SLC44A5: variants seen among roughly 807,000 people sequenced by gnomAD.
SLC44A5 encodes the protein choline transporter-like protein 5.
A neutral mutation model predicts 101.8 loss-of-function variants in SLC44A5; 57 were observed. The ratio of observed to expected loss-of-function variants is 0.56; its 90% CI spans 0.45 to 0.70. The LOEUF is 0.70. Ranked by LOEUF, SLC44A5 falls within the 30% of genes least tolerant of loss-of-function variation. SLC44A5 has a pLI of 0.00. For missense variants in SLC44A5, 737 were observed against 853.1 expected (o/e 0.86, Z 1.70); for synonymous variants, 281 against 290.9 (o/e 0.97, Z 0.35).
At chr1:75,471,679 C>G (rs989667651) in intron 2 of SLC44A5, among the ~76,000 whole-genome samples, 1 of 151,940 alleles carries the variant, frequency 6.6e-6, no homozygotes, top group Non-Finnish European at 1.5e-5. Context: ...TTCCACTGCC[C>G]TCTATTTCTT....
chr1:75,642,847 T>C, the SLC44A5 span, among the ~76,000 whole-genome samples: 1 of 152,084 alleles, frequency 6.6e-6, no homozygotes, highest in Non-Finnish European at 1.5e-5. Context: ...TAAACAAAAA[T>C]TGGAAAGTTT....
At chr1:75,253,767 C>T (rs1465915735) in intron 6 of SLC44A5, among the ~76,000 whole-genome samples, 2 of 152,112 alleles carry the variant, frequency 1.3e-5, no homozygotes, top group African/African-American at 2.4e-5. Flanking sequence ...GCTATGTAAA[C>T]TCAAGTTATT....
the SLC44A5 span, among the ~76,000 whole-genome samples, chr1:75,717,737 G>C: frequency 3.9e-5 from 6 of 152,136 alleles, no homozygotes; most frequent in Non-Finnish European, 8.8e-5. Context: ...TTAAGAAATG[G>C]AATGAATAAA....
chr1:75,386,856 A>G (rs1409313950), intron 3 of SLC44A5, among the ~76,000 whole-genome samples: 2 of 152,160 alleles, frequency 1.3e-5, no homozygotes, highest in Non-Finnish European at 2.9e-5. Context: ...TGGTACCAAA[A>G]CAGAGATATA....
rs758055706 is a variant in SLC44A5, at chr1:75,227,819, C to T, written c.892G>A (p.Glu298Lys). ...ATAGTTAATACAGAACTTGGGCGTTCCTGAAGATTGGTGTACTGCTGGTAA... is the reference window on the plus strand; with the variant it reads ...ATAGTTAATACAGAACTTGGGCGTTTCTGAAGATTGGTGTACTGCTGGTAA... Reference protein sequence around the residue: ...HCYQQYTNLQERPSSVLTIYD... With the variant: ...HCYQQYTNLQKRPSSVLTIYD... Residue 298 changes from glutamate (E) to lysine (K), a missense_variant, in exon 13 of 24, where the codon GAA becomes AAA. Around this residue, in one of 3 missense-constraint regions of SLC44A5, gnomAD observed 665 missense variants for 764.4 expected, o/e 0.87. Transcript: ENST00000370859. 6.3e-7 allele frequency: 1 copy of T among 1,599,664 alleles called. No individual in the cohort carries two copies. Among genetic ancestry groups the T allele is most frequent in the Non-Finnish European group, 8.5e-7 (1 of 1,176,108 alleles).
rs200994401 is a variant in SLC44A5 at position 75,283,175 on chromosome 1, T to A, written c.176-8133A>T. Among the ~76,000 whole-genome samples, 119 of 151,756 alleles carry A rather than the reference T, an allele frequency of 7.8e-4. 2 individuals carry two copies. In the East Asian group the frequency reaches 0.019, roughly 24 times the overall value. The stretch of plus-strand genomic sequence containing the variant: ...CATCTACATCAGCATCTATTTTTTT[T>A]TTATTATGGCCATTCTTGCAGGAGT... On this transcript the variant is annotated intron_variant, in intron 5 of 23. Transcript: ENST00000370859.
chr1:75,462,587 G>C (rs949748754), intron 2 of SLC44A5, among the ~76,000 whole-genome samples: 2 of 152,036 alleles, frequency 1.3e-5, no homozygotes, highest in Admixed American at 1.3e-4. Context: ...CGACCTTTCA[G>C]ACAAAGAATT....
intron 22 of SLC44A5, among the ~76,000 whole-genome samples, chr1:75,212,784 G>GA (rs1269783709): frequency 6.6e-6 from 1 of 152,036 alleles, no homozygotes; most frequent in Non-Finnish European, 1.5e-5. Context: ...GGCAGTGGGG[G>GA]AGAGGCAAAT....
the SLC44A5 span, among the ~76,000 whole-genome samples, chr1:75,679,165 G>T: frequency 1.3e-5 from 2 of 152,126 alleles, no homozygotes; most frequent in African/African-American, 4.8e-5. Context: ...TGGGGAGAAC[G>T]GAACCAAGTT....
At chr1:75,708,722 T>C in the SLC44A5 span, among the ~76,000 whole-genome samples, 76 of 152,252 alleles carry the variant, frequency 5.0e-4, no homozygotes, top group African/African-American at 1.8e-3. Flanking sequence ...AAATTATACA[T>C]ATAATAAAAC....
chr1:75,532,556 C>T (rs1458057043), intron 2 of SLC44A5, among the ~76,000 whole-genome samples: 1 of 152,142 alleles, frequency 6.6e-6, no homozygotes, highest in Non-Finnish European at 1.5e-5. Context: ...TTGTCCCCTT[C>T]CCTGCTTTAT....
chr1:75,472,066 G>T (rs193182352), intron 2 of SLC44A5, among the ~76,000 whole-genome samples: 35 of 128,936 alleles, frequency 2.7e-4, no homozygotes, highest in African/African-American at 9.4e-4. Context: ...AATAGGCAGA[G>T]CATATCCCCC....
intron 2 of SLC44A5, among the ~76,000 whole-genome samples, chr1:75,409,425 A>G (rs1011076255): frequency 6.6e-6 from 1 of 152,028 alleles, no homozygotes; most frequent in African/African-American, 2.4e-5. Context: ...AATTTTTTTT[A>G]AAAAAGAAAG....
chr1:75,523,447 G>A (rs59663056), intron 2 of SLC44A5, among the ~76,000 whole-genome samples: 2,616 of 152,042 alleles, frequency 0.017, 67 homozygotes, highest in African/African-American at 0.06. Context: ...CCAGTAGCTG[G>A]GATTACAGGC....
At chr1:75,265,882 G>A (rs556933381) in intron 6 of SLC44A5, among the ~76,000 whole-genome samples, 1 of 152,260 alleles carries the variant, frequency 6.6e-6, no homozygotes, top group South Asian at 2.1e-4. Context: ...GTAGCCAGTA[G>A]GTGGCATCAA....
At chr1:75,504,723 G>C (rs532866368) in intron 2 of SLC44A5, among the ~76,000 whole-genome samples, 1 of 152,128 alleles carries the variant, frequency 6.6e-6, no homozygotes, top group Non-Finnish European at 1.5e-5. Context: ...TGTCATTAAA[G>C]TTCTAAATTA....
chr1:75,462,371 C>G (rs1666552540), intron 2 of SLC44A5, among the ~76,000 whole-genome samples: 1 of 152,242 alleles, frequency 6.6e-6, no homozygotes, highest in South Asian at 2.1e-4. Flanking sequence ...GATCACAACA[C>G]TTACGTCTTT....
At chr1:75,485,807 C>G (rs773806349) in intron 2 of SLC44A5, among the ~76,000 whole-genome samples, 2 of 152,140 alleles carry the variant, frequency 1.3e-5, no homozygotes, top group Non-Finnish European at 2.9e-5. Flanking sequence ...AGGAAACTTA[C>G]AATCATGGCG....
chr1:75,660,278 A>G, the SLC44A5 span, among the ~76,000 whole-genome samples: 1 of 152,214 alleles, frequency 6.6e-6, no homozygotes, highest in Non-Finnish European at 1.5e-5. Context: ...TATAAAATTC[A>G]GTATCTTTTC....
Sources: gnomAD v4.1 joint callset for allele counts (sites outside exome capture counted in the v4.1 genomes callset) on GRCh38, gnomAD v4.1.1 for gene constraint, gnomAD v4.1.1 regional missense constraint, MANE v1.5 for transcripts, NCBI Gene and HGNC (gene_info 2026-07-23, HGNC 2026-07-21) for gene names.